CLEC12A: variants seen among roughly 807,000 people sequenced by gnomAD.
The protein encoded by CLEC12A is C-type lectin protein CLL-1.
CLEC12A carries 22 observed loss-of-function variants against 26.5 expected under a neutral mutation model. The ratio of observed to expected loss-of-function variants is 0.83; its 90% CI spans 0.59 to 1.19. The LOEUF is 1.19. CLEC12A is among the 50% of genes most tolerant of loss of function. The pLI is 0.00. For missense variants in CLEC12A, 353 were observed against 315.6 expected (o/e 1.12, Z -0.90); for synonymous variants, 119 against 101.9 (o/e 1.17, Z -1.01).
intron 1 of CLEC12A, among the ~76,000 whole-genome samples, chr12:9,955,881 C>G (rs1443481943): frequency 6.6e-6 from 1 of 152,040 alleles, no homozygotes; most frequent in Non-Finnish European, 1.5e-5. Flanking sequence ...GCCAAGAGGA[C>G]AGAATCAAGC....
chr12:9,998,209 G>T, downstream of CLEC12A: 1 of 1,123,390 alleles, frequency 8.9e-7, no homozygotes, highest in Non-Finnish European at 1.4e-6. Flanking sequence ...CCATTGAGAA[G>T]CTTAGTGGGA....
chr12:9,968,433 CA>C (rs1380383196), upstream of CLEC12A, among the ~76,000 whole-genome samples: 4 of 151,788 alleles, frequency 2.6e-5, no homozygotes, highest in South Asian at 6.2e-4. Context: ...AAAATTACAT[CA>C]AAGGGGGGTT....
chr12:9,976,368 G>A (rs1026274313), intron 1 of CLEC12A, among the ~76,000 whole-genome samples: 20 of 152,326 alleles, frequency 1.3e-4, no homozygotes, highest in African/African-American at 4.8e-4. Context: ...CCTACCTCTT[G>A]CATCAGCATG....
chr12:9,988,657 C>G (rs1177835081), downstream of CLEC12A, among the ~76,000 whole-genome samples: 1 of 152,184 alleles, frequency 6.6e-6, no homozygotes, highest in Admixed American at 6.5e-5. Flanking sequence ...ATCAAAACCA[C>G]AATGAGATAC....
intron 1 of CLEC12A, among the ~76,000 whole-genome samples, chr12:9,966,140 A>G (rs1304400799): frequency 6.6e-6 from 1 of 152,174 alleles, no homozygotes; most frequent in South Asian, 2.1e-4. Context: ...TAAGAGGTTT[A>G]GAAGCCTGGC....
chr12:9,974,880 C>T (rs574578055), intron 1 of CLEC12A, among the ~76,000 whole-genome samples: 1 of 152,146 alleles, frequency 6.6e-6, no homozygotes, highest in Non-Finnish European at 1.5e-5. Context: ...CCCATAAGTC[C>T]CACATGCTGT....
At chr12:9,990,857 C>T (rs1331320327) in intron 4 of CLEC12A, 1 of 152,144 alleles carries the variant, frequency 6.6e-6, no homozygotes, top group Non-Finnish European at 1.5e-5. Flanking sequence ...CTTCAGCAAC[C>T]ACTGCTGTGA....
At chr12:9,970,716 G>A (rs916382793), upstream of CLEC12A, among the ~76,000 whole-genome samples, 1 of 152,158 alleles carries the variant, frequency 6.6e-6, no homozygotes, top group African/African-American at 2.4e-5. Flanking sequence ...AGATAGCAAG[G>A]CTGATTATAG....
chr12:9,980,714 T>C lies in CLEC12A; in HGVS notation c.512T>C (p.Ile171Thr). Residue 171 changes from isoleucine (I) to threonine (T), a missense_variant, in exon 4 of 6, where the codon ATA becomes ACA. Coordinates refer to ENST00000304361, the MANE Select transcript of CLEC12A (RefSeq NM_138337.6). ...GCTCAGAATGCCAGCCTGTTGAAGA[T>C]AAACAACAAAAATGCATTGGTAAAG... Reference protein sequence around the residue: ...CAAQNASLLKINNKNALEFIK... With the variant: ...CAAQNASLLKTNNKNALEFIK... 1 of 1,613,596 alleles carries C rather than the reference T, an allele frequency of 6.2e-7. No individual in the cohort carries two copies. Among genetic ancestry groups the C allele is most frequent in the South Asian group, 1.1e-5 (1 of 91,066 alleles).
chr12:10,005,108 A>T, the CLEC12A span, among the ~76,000 whole-genome samples: 1 of 152,290 alleles, frequency 6.6e-6, no homozygotes, highest in East Asian at 1.9e-4. Flanking sequence ...CATGGCAGGG[A>T]CTATTAATTA....
At chr12:9,958,502 C>A (rs955751318) in intron 1 of CLEC12A, among the ~76,000 whole-genome samples, 13 of 152,230 alleles carry the variant, frequency 8.5e-5, no homozygotes, top group Non-Finnish European at 1.8e-4. Flanking sequence ...AATGATGTGG[C>A]AGGCCAGGTC....
intron 1 of CLEC12A, among the ~76,000 whole-genome samples, chr12:9,962,597 A>G (rs1863853085): frequency 2.0e-5 from 3 of 152,112 alleles, no homozygotes; most frequent in Admixed American, 1.3e-4. Context: ...GTGGGAAATT[A>G]CAGTCAAAGG....
downstream of CLEC12A, chr12:9,997,275 G>A (rs537562078): frequency 5.0e-6 from 8 of 1,609,580 alleles, no homozygotes; most frequent in South Asian, 5.5e-5. Context: ...TGCGCTGCAT[G>A]ACAGCTAGGT....
At chr12:10,003,110 G>C in the CLEC12A span, among the ~76,000 whole-genome samples, 2 of 152,162 alleles carry the variant, frequency 1.3e-5, no homozygotes, top group Non-Finnish European at 2.9e-5. Flanking sequence ...GCTATTCTGA[G>C]ACTTTTTAAC....
At chr12:9,988,439 G>T (rs1864819261), downstream of CLEC12A, among the ~76,000 whole-genome samples, 1 of 152,146 alleles carries the variant, frequency 6.6e-6, no homozygotes, top group African/African-American at 2.4e-5. Flanking sequence ...CCTACAAAAT[G>T]GGAGAAAGTT....
At chr12:9,987,093 AT>A (rs1235698882), downstream of CLEC12A, among the ~76,000 whole-genome samples, 1 of 152,180 alleles carries the variant, frequency 6.6e-6, no homozygotes, top group Non-Finnish European at 1.5e-5. Context: ...AAAGAAAAAG[AT>A]TTTGTTGACC....
At chr12:10,004,099 A>C in the CLEC12A span, among the ~76,000 whole-genome samples, 14 of 152,140 alleles carry the variant, frequency 9.2e-5, no homozygotes, top group Admixed American at 2.0e-4. Context: ...GAGGGAGAGC[A>C]TGCAGACGGG....
At chr12:9,992,960 A>G in intron 4 of CLEC12A, 2 of 532,148 alleles carry the variant, frequency 3.8e-6, no homozygotes, top group Non-Finnish European at 6.6e-6. Context: ...TGATAAACTC[A>G]CGTGATGGCT....
At chr12:9,957,669 C>T (rs936847501) in intron 1 of CLEC12A, among the ~76,000 whole-genome samples, 2 of 151,974 alleles carry the variant, frequency 1.3e-5, no homozygotes, top group African/African-American at 2.4e-5. Context: ...TTTATACAAA[C>T]GAAAGGGCAG....
Sources: gnomAD v4.1 joint callset for allele counts (sites outside exome capture counted in the v4.1 genomes callset) on GRCh38, gnomAD v4.1.1 for gene constraint, MANE v1.5 for transcripts, NCBI Gene and HGNC (gene_info 2026-07-23, HGNC 2026-07-21) for gene names.